ATAD3B: variants seen among roughly 807,000 people sequenced by gnomAD.
ATAD3B encodes the protein ATPase family AAA domain-containing protein 3B.
A neutral mutation model predicts 70.2 loss-of-function variants in ATAD3B; 59 were observed. That is an observed-to-expected ratio of 0.84 (90% CI 0.68 to 1.04). The LOEUF (loss-of-function observed/expected upper bound fraction) is 1.04, where lower values mean the gene tolerates loss of function less well. ATAD3B is among the 50% of genes least tolerant of loss of function. The pLI is 0.00. For synonymous variants in ATAD3B, 423 were observed against 388.6 expected (o/e 1.09, Z -1.04); for missense variants, 961 against 913.4 (o/e 1.05, Z -0.67).
chr1:1,476,649 C>T (rs1258761725), intron 1 of ATAD3B, among the ~76,000 whole-genome samples: 1 of 151,562 alleles, frequency 6.6e-6, no homozygotes, highest in Admixed American at 6.6e-5. Flanking sequence ...GCTAGGACTA[C>T]AAGTGCCCGC....
At chr1:1,498,968 CT>C (rs377252484), downstream of ATAD3B, among the ~76,000 whole-genome samples, 18,196 of 140,632 alleles carry the variant, frequency 0.13, 2,679 homozygotes, top group East Asian at 0.42. Context: ...TGTGGTTCCT[CT>C]TTTTTTTTTT....
At chr1:1,493,101 A>T (rs1640619067) in intron 15 of ATAD3B, among the ~76,000 whole-genome samples, 1 of 151,978 alleles carries the variant, frequency 6.6e-6, no homozygotes, top group Non-Finnish European at 1.5e-5. Context: ...ACAGAGCGAA[A>T]CTGTCTCAAA....
rs577420999 is a variant in ATAD3B at position 1,485,919 on chromosome 1, C to T, written c.963+81C>T. On this transcript the variant is annotated intron_variant, in intron 9 of 15. Coordinates refer to ENST00000673477, the MANE Select transcript of ATAD3B (RefSeq NM_031921.6). ...CTGGGCTGTGGCCCTTGCTAGCGCT[C>T]GTGGTGGCGCCCAGGAGCTTTTGGG... 43 of 1,607,344 alleles carry T rather than the reference C, an allele frequency of 2.7e-5. No individual in the cohort carries two copies. The East Asian group carries it at 5.6e-4, about 21-fold the overall frequency.
chr1:1,504,724 G>A, the ATAD3B span, among the ~76,000 whole-genome samples: 1 of 152,044 alleles, frequency 6.6e-6, no homozygotes, highest in Admixed American at 6.5e-5. Context: ...GGGCGTGTGT[G>A]CCCACAGCTC....
In ATAD3B at chr1:1,478,628, G is replaced by A; in HGVS notation, c.283-16G>A. 2.6e-6 allele frequency: 4 copies of A among 1,548,884 alleles called. No individual in the cohort carries two copies. The highest frequency in any genetic ancestry group is 3.5e-6 in the Non-Finnish European group (4 of 1,146,136). ...GCCCTGAGCAAGTGCCAGCTGGTGA[G>A]TGCTGTGCTCTGCAGGAGTATGAGG... is the stretch of plus-strand genomic sequence containing the variant. On this transcript the variant is annotated splice_polypyrimidine_tract_variant and intron_variant, in intron 2 of 15. Transcript: ENST00000673477.
At position 1,478,625 on chromosome 1, in the gene ATAD3B, T is replaced by C. The variant is rs1364940576; in HGVS notation, c.283-19T>C. Reference sequence around the variant, plus strand: ...CCAGCCCTGAGCAAGTGCCAGCTGGTGAGTGCTGTGCTCTGCAGGAGTATG... The same window carrying C: ...CCAGCCCTGAGCAAGTGCCAGCTGGCGAGTGCTGTGCTCTGCAGGAGTATG... On this transcript the variant is annotated intron_variant, in intron 2 of 15. Coordinates refer to ENST00000673477, the MANE Select transcript of ATAD3B (RefSeq NM_031921.6). 6.5e-7 allele frequency: 1 copy of C among 1,548,468 alleles called. No homozygotes were observed. Among genetic ancestry groups the C allele is most frequent in the Admixed American group, 2.0e-5 (1 of 50,720 alleles).
intron 8 of ATAD3B, among the ~76,000 whole-genome samples, chr1:1,485,454 C>T (rs1443308016): frequency 3.3e-5 from 5 of 152,140 alleles, no homozygotes; most frequent in East Asian, 1.9e-4. Flanking sequence ...GGTGTGCGGC[C>T]GTCTGTCGGG....
At chr1:1,509,440 C>A in the ATAD3B span, 1 of 1,596,932 alleles carries the variant, frequency 6.3e-7, no homozygotes, top group Non-Finnish European at 8.5e-7. Flanking sequence ...GAAATACTCC[C>A]CGTAATAAAG....
intron 12 of ATAD3B, among the ~76,000 whole-genome samples, chr1:1,488,959 C>T (rs1299348514): frequency 6.6e-6 from 1 of 151,838 alleles, no homozygotes; most frequent in Non-Finnish European, 1.5e-5. Context: ...GATGGGGTCT[C>T]ACCATGTTGG....
intron 8 of ATAD3B, among the ~76,000 whole-genome samples, chr1:1,485,420 G>C (rs1406095091): frequency 6.6e-6 from 1 of 152,040 alleles, no homozygotes; most frequent in East Asian, 1.9e-4. Context: ...AGCACATCGG[G>C]GTCCTTGCAA....
intron 15 of ATAD3B, among the ~76,000 whole-genome samples, chr1:1,494,112 C>T (rs557585808): frequency 2.0e-5 from 3 of 152,110 alleles, no homozygotes; most frequent in South Asian, 2.1e-4. Context: ...AGAGAGCTCC[C>T]GGGCCCGGGG....
Position 1,481,092 on chromosome 1 carries a change from G to A in ATAD3B, c.514+156G>A, listed in dbSNP as rs528933218. Among the ~76,000 whole-genome samples the A allele has an allele frequency of 1.6e-4, 23 of 142,074 alleles. 4 individuals carry two copies. Among genetic ancestry groups the A allele is most frequent in the African/African-American group, 2.5e-4 (9 of 35,650 alleles). The allele number at this position is 142,074 out of a possible 152,430, so 93.2% of individuals were successfully genotyped here. On this transcript the variant is annotated intron_variant, in intron 5 of 15. Coordinates refer to ENST00000673477, the MANE Select transcript of ATAD3B (RefSeq NM_031921.6). ...GCTCTGCGGGGTGGGGCTCCCTCTC[G>A]GAAGACACCTCTGTCTGCGAGTGGA...
chr1:1,493,724 T>G (rs543220280), intron 15 of ATAD3B, among the ~76,000 whole-genome samples: 21 of 152,062 alleles, frequency 1.4e-4, no homozygotes, highest in African/African-American at 5.1e-4. Flanking sequence ...TCTGCTAATA[T>G]TGATTGATTT....
the ATAD3B span, among the ~76,000 whole-genome samples, chr1:1,508,428 C>G: frequency 1.3e-5 from 2 of 151,286 alleles, no homozygotes; most frequent in Non-Finnish European, 2.9e-5. Flanking sequence ...CTCTGGGAGG[C>G]ATAGCTGGGA....
At chr1:1,486,295 G>T in intron 10 of ATAD3B, 60 bp downstream of exon 10, 2 of 1,609,042 alleles carry the variant, frequency 1.2e-6, no homozygotes, top group Non-Finnish European at 1.7e-6. Context: ...CTGCCTGCAG[G>T]TGTCTGGGGG....
At chr1:1,479,356 C>G (rs1454667899) in intron 4 of ATAD3B, among the ~76,000 whole-genome samples, 1 of 147,222 alleles carries the variant, frequency 6.8e-6, no homozygotes, top group Non-Finnish European at 1.5e-5. Context: ...CTCGCACACA[C>G]ACTCCCGGCA....
At chr1:1,478,448 T>A in intron 2 of ATAD3B, 196 bp from the exon 3 acceptor site, 1 of 1,535,070 alleles carries the variant, frequency 6.5e-7, no homozygotes, top group South Asian at 1.2e-5. Flanking sequence ...TCTCTGCTGG[T>A]GCTTCTGTGC....
rs1640206809 is a variant in ATAD3B at position 1,486,193 on chromosome 1, G to C, written c.1047G>C (p.Leu349=). 4 of 1,613,098 alleles carry C rather than the reference G, an allele frequency of 2.5e-6. No homozygotes were observed. Among genetic ancestry groups the C allele is most frequent in the African/African-American group, 2.7e-5 (2 of 74,888 alleles). Reference sequence around the variant, plus strand: ...ACCGGGGCCTGTACAGGCACATCCTGCTGTATGGGCCACCAGGCACCGGGA... The same window carrying C: ...ACCGGGGCCTGTACAGGCACATCCTCCTGTATGGGCCACCAGGCACCGGGA... ...KKNRGLYRHI[L]LYGPPGTGKT... is the part of the protein sequence containing the mutation. The change falls in exon 10 of 16, where the codon CTG becomes CTC. Residue 349 remains leucine (L), a synonymous_variant. Transcript: ENST00000673477.
In ATAD3B at chr1:1,480,098, C is replaced by T. The variant is rs547328906; in HGVS notation, c.445-769C>T. ...ACACATGGGCACACGCGCACACCGC[C>T]GCAAACACACACACGGGCACGTGTA... On this transcript the variant is annotated intron_variant, in intron 4 of 15. Transcript: ENST00000673477. Among the ~76,000 whole-genome samples, 59 of 146,882 alleles carry T rather than the reference C, an allele frequency of 4.0e-4. 5 individuals are homozygous for T. Among genetic ancestry groups the T allele is most frequent in the African/African-American group, 1.4e-3 (56 of 39,288 alleles).
Sources: allele counts gnomAD v4.1 joint callset (sites outside exome capture counted in the v4.1 genomes callset), GRCh38; gene constraint gnomAD v4.1.1; transcripts MANE v1.5; gene names NCBI Gene and HGNC (gene_info 2026-07-23, HGNC 2026-07-21).